Variants in POPDC1 observed in about 807,000 individuals in gnomAD.
POPDC1 encodes the protein popeye domain-containing protein 1.
chr6:105,120,801 G>C, the POPDC1 span, among the ~76,000 whole-genome samples: 1 of 152,174 alleles, frequency 6.6e-6, no homozygotes, highest in African/African-American at 2.4e-5. Flanking sequence ...TGTGGCAATA[G>C]GACTGGCTGA....
chr6:105,118,320 T>A, the POPDC1 span, among the ~76,000 whole-genome samples: 1 of 152,202 alleles, frequency 6.6e-6, no homozygotes, highest in African/African-American at 2.4e-5. Context: ...ATTAAGAATG[T>A]CTGGCTACTT....
the POPDC1 span, among the ~76,000 whole-genome samples, chr6:105,123,901 G>A: frequency 6.6e-6 from 1 of 151,960 alleles, no homozygotes; most frequent in Non-Finnish European, 1.5e-5. Context: ...CAATTACTTG[G>A]TTTAAGAACA....
the POPDC1 span, among the ~76,000 whole-genome samples, chr6:105,111,037 T>C: frequency 9.9e-5 from 15 of 152,148 alleles, no homozygotes; most frequent in Admixed American, 9.2e-4. Flanking sequence ...ACAAAGATCT[T>C]AATAAGAAAC....
At chr6:105,100,477 TC>T in the POPDC1 span, 1 of 149,338 alleles carries the variant, frequency 6.7e-6, no homozygotes, top group Non-Finnish European at 1.5e-5. Flanking sequence ...GCCACTACAC[TC>T]CAGCCTGGGC....
the POPDC1 span, chr6:105,100,989 C>G: frequency 1.1e-4 from 149 of 1,401,324 alleles, no homozygotes; most frequent in African/African-American, 2.1e-3. Flanking sequence ...AGTCTGGATG[C>G]ACTAAAGCAG....
chr6:105,125,364 G>A, the POPDC1 span: 32 of 1,609,716 alleles, frequency 2.0e-5, 1 homozygote, highest in South Asian at 3.4e-4. Context: ...GGTAAACTAG[G>A]AATTTTGATT....
chr6:105,099,392 T>C, the POPDC1 span: 1 of 152,252 alleles, frequency 6.6e-6, no homozygotes, highest in Non-Finnish European at 1.5e-5. Flanking sequence ...GTTGCTTCTT[T>C]TGGCTCAGTT....
chr6:105,118,719 A>G, the POPDC1 span, among the ~76,000 whole-genome samples: 1 of 152,212 alleles, frequency 6.6e-6, no homozygotes, highest in East Asian at 1.9e-4. Flanking sequence ...CTCACTTTGT[A>G]TATGTACTTT....
At chr6:105,127,010 C>T in the POPDC1 span, among the ~76,000 whole-genome samples, 1 of 152,160 alleles carries the variant, frequency 6.6e-6, no homozygotes, top group South Asian at 2.1e-4. Flanking sequence ...GGTCATGCCC[C>T]ATCTTTGGGC....
At chr6:105,101,129 G>T in the POPDC1 span, 62 of 1,613,446 alleles carry the variant, frequency 3.8e-5, no homozygotes, top group Admixed American at 1.8e-4. Context: ...TGGAGATGCC[G>T]GTTCAAAAAC....
At chr6:105,114,102 G>A in the POPDC1 span, among the ~76,000 whole-genome samples, 1 of 152,134 alleles carries the variant, frequency 6.6e-6, no homozygotes, top group Non-Finnish European at 1.5e-5. Flanking sequence ...TTCTGTACAA[G>A]CCTTTATTAA....
the POPDC1 span, chr6:105,115,565 C>A: frequency 2.4e-6 from 3 of 1,262,004 alleles, no homozygotes; most frequent in South Asian, 1.5e-5. Flanking sequence ...TTATTGTTAC[C>A]TTTAGGTTGC....
the POPDC1 span, chr6:105,097,607 CCAGCAACCAAGTGACT>C: frequency 2.6e-5 from 4 of 152,172 alleles, no homozygotes; most frequent in African/African-American, 4.8e-5. Flanking sequence ...AAAGATTTTT[CCAGCAACCAAGTGACT>C]CAGCAACCAA....
the POPDC1 span, among the ~76,000 whole-genome samples, chr6:105,119,796 T>C: frequency 6.6e-6 from 1 of 152,250 alleles, no homozygotes; most frequent in Non-Finnish European, 1.5e-5. Context: ...AAGTTTCCAC[T>C]GAGGCAATGA....
the POPDC1 span, chr6:105,136,257 T>C: frequency 1.3e-5 from 2 of 152,266 alleles, no homozygotes; most frequent in Non-Finnish European, 2.9e-5. Context: ...TTTCTGGGAC[T>C]TGTCTGGCCA....
chr6:105,102,368 A>C, the POPDC1 span, among the ~76,000 whole-genome samples: 1,569 of 152,320 alleles, frequency 0.01, 31 homozygotes, highest in African/African-American at 0.036. Context: ...TGGCCAGCAC[A>C]GGGAGAATGC....
At chr6:105,136,469 C>A in the POPDC1 span, 1 of 152,232 alleles carries the variant, frequency 6.6e-6, no homozygotes, top group East Asian at 1.9e-4. Context: ...ACTCTCCGAG[C>A]GGGGACGGAG....
At chr6:105,105,934 T>C in the POPDC1 span, among the ~76,000 whole-genome samples, 2 of 152,362 alleles carry the variant, frequency 1.3e-5, no homozygotes, top group African/African-American at 4.8e-5. Flanking sequence ...TTTTCATTTA[T>C]TGCCAATTGT....
At chr6:105,128,204 T>C in the POPDC1 span, among the ~76,000 whole-genome samples, 1 of 152,390 alleles carries the variant, frequency 6.6e-6, no homozygotes, top group African/African-American at 2.4e-5. Context: ...TCCCAACCTC[T>C]GTAAGAGGAC....
Sources: allele counts gnomAD v4.1 joint callset (sites outside exome capture counted in the v4.1 genomes callset), GRCh38; gene constraint gnomAD v4.1.1; transcripts MANE v1.5; gene names NCBI Gene and HGNC (gene_info 2026-07-23, HGNC 2026-07-21).